Variants in NAV2 observed in about 807,000 individuals in gnomAD.
The protein encoded by NAV2 is helicase, APC down-regulated 1.
Under a neutral mutation model 223.2 loss-of-function variants are expected in NAV2, and 54 were observed. The ratio of observed to expected loss-of-function variants is 0.24; its 90% CI spans 0.19 to 0.30. The LOEUF (loss-of-function observed/expected upper bound fraction) is 0.30. Among genes scored for constraint, NAV2 ranks in the 10% least tolerant of loss-of-function variants. The pLI, the probability that NAV2 is intolerant of heterozygous loss-of-function variation, is 1.00. For synonymous variants in NAV2, 1,279 were observed against 1,239.3 expected, an observed-to-expected ratio of 1.03 and a Z score of -0.67; for missense variants, 2,806 against 3,147.5, an observed-to-expected ratio of 0.89 and a Z score of 2.60.
intron 1 of NAV2, among the ~76,000 whole-genome samples, chr11:19,487,490 A>G (rs1453738158): frequency 6.6e-6 from 1 of 152,202 alleles, no homozygotes; most frequent in Non-Finnish European, 1.5e-5. Context: ...ATGGTGACAG[A>G]GATGGGATGT....
intron 1 of NAV2, among the ~76,000 whole-genome samples, chr11:19,380,886 A>G (rs2133927046): frequency 6.6e-6 from 1 of 152,304 alleles, no homozygotes; most frequent in Admixed American, 6.5e-5. Context: ...TAAAACCAGG[A>G]AAATCTGGGC....
chr11:19,433,895 G>A (rs532119537), intron 1 of NAV2, among the ~76,000 whole-genome samples: 1 of 152,342 alleles, frequency 6.6e-6, no homozygotes, highest in South Asian at 2.1e-4. Context: ...ATGTATTAGA[G>A]TAAATAATGC....
intron 20 of NAV2, among the ~76,000 whole-genome samples, chr11:20,063,271 G>A (rs1340372343): frequency 1.3e-5 from 2 of 152,236 alleles, no homozygotes; most frequent in African/African-American, 4.8e-5. Context: ...TATCATCCAT[G>A]AGAGAGGTTT....
upstream of NAV2, among the ~76,000 whole-genome samples, chr11:19,347,890 TC>T (rs1050287367): frequency 1.3e-5 from 2 of 152,204 alleles, no homozygotes; most frequent in African/African-American, 4.8e-5. Context: ...TCTCTTGAAG[TC>T]CCCTCTGCCC....
chr11:19,438,901 T>TC, intron 1 of NAV2, among the ~76,000 whole-genome samples: 1 of 152,140 alleles, frequency 6.6e-6, no homozygotes, highest in South Asian at 2.1e-4. Flanking sequence ...AGAGATTTTT[T>TC]TTTTTGTAGA....
intron 1 of NAV2, among the ~76,000 whole-genome samples, chr11:19,498,590 A>G (rs1161020635): frequency 1.3e-5 from 2 of 152,240 alleles, no homozygotes. Flanking sequence ...AAACTCACAA[A>G]TCCATTTGTT....
chr11:19,934,849 T>A (rs1212250355), intron 7 of NAV2, among the ~76,000 whole-genome samples: 12 of 152,102 alleles, frequency 7.9e-5, no homozygotes, highest in Non-Finnish European at 1.5e-5. Context: ...CAAGAGCTCA[T>A]GTTCTGAGGA....
intron 1 of NAV2, among the ~76,000 whole-genome samples, chr11:19,468,161 T>C (rs1039597808): frequency 6.6e-6 from 1 of 152,230 alleles, no homozygotes; most frequent in Non-Finnish European, 1.5e-5. Context: ...ACTCCACTAC[T>C]CACTTGCTGC....
chr11:19,793,054 C>T (rs1245704836), intron 1 of NAV2, among the ~76,000 whole-genome samples: 2 of 151,486 alleles, frequency 1.3e-5, no homozygotes, highest in African/African-American at 4.9e-5. Flanking sequence ...ACTAAAAATA[C>T]AAAAATTAGC....
intron 1 of NAV2, among the ~76,000 whole-genome samples, chr11:19,776,129 G>C (rs1364392042): frequency 6.6e-6 from 1 of 152,194 alleles, no homozygotes; most frequent in East Asian, 1.9e-4. Context: ...CAGTGGGGGA[G>C]AGCCAGGATT....
intron 1 of NAV2, among the ~76,000 whole-genome samples, chr11:19,356,455 A>G (rs1325620292): frequency 1.3e-5 from 2 of 152,078 alleles, no homozygotes; most frequent in Non-Finnish European, 2.9e-5. Context: ...GAGCTTAGAT[A>G]TTGTCTCCTG....
intron 4 of NAV2, among the ~76,000 whole-genome samples, chr11:19,873,151 A>G (rs376654686): frequency 2.6e-5 from 4 of 152,218 alleles, no homozygotes; most frequent in African/African-American, 9.6e-5. Context: ...TATCTAGTTC[A>G]GCAAATGTTT....
intron 22 of NAV2, among the ~76,000 whole-genome samples, chr11:20,075,888 A>G (rs7125951): frequency 0.33 from 49,343 of 150,628 alleles, 9,011 homozygotes; most frequent in African/African-American, 0.49. Context: ...CTCCTCCCAT[A>G]TATCCTCTGC....
At position 20,103,699 on chromosome 11, in the gene NAV2, A is replaced by C. The variant is rs201845364; in HGVS notation, c.6619A>C (p.Asn2207His). The C allele has an allele frequency of 6.2e-7, 1 of 1,614,108 alleles. No individual in the cohort carries two copies. The highest frequency in any genetic ancestry group is 8.5e-7 in the Non-Finnish European group (1 of 1,180,012). Reference protein sequence around the residue: ...TMNQATSSTPNLQLHHNFRWV... With the variant: ...TMNQATSSTPHLQLHHNFRWV... ...GAACCAGGCTACCTCTTCGACTCCCAACCTGCAGCTTCACCATAACTTCAG... is the reference window on the plus strand; with the variant it reads ...GAACCAGGCTACCTCTTCGACTCCCCACCTGCAGCTTCACCATAACTTCAG... The change falls in exon 34 of 38, where the codon AAC (asparagine) becomes CAC (histidine). Residue 2207 changes from asparagine to histidine, a missense_variant. By Grantham distance (68) the Asn-to-His change is moderately conservative. Transcript: ENST00000349880.
intron 1 of NAV2, among the ~76,000 whole-genome samples, chr11:19,494,108 G>T (rs951779990): frequency 1.1e-4 from 17 of 152,220 alleles, no homozygotes; most frequent in African/African-American, 3.6e-4. Flanking sequence ...ACTGACCCAG[G>T]TGCTGTGGTG....
chr11:19,934,410 G>A (rs2045660498), intron 7 of NAV2, 133 bp downstream of exon 7: 1 of 1,062,274 alleles, frequency 9.4e-7, no homozygotes, highest in African/African-American at 1.6e-5. Context: ...GAAACCACGT[G>A]ATGAACTCCT....
intron 1 of NAV2, among the ~76,000 whole-genome samples, chr11:19,575,694 A>T (rs562370085): frequency 6.6e-6 from 1 of 152,256 alleles, no homozygotes; most frequent in South Asian, 2.1e-4. Context: ...ATTGGTCATC[A>T]TCTATATTGT....
At chr11:20,082,304 A>C (rs530691008) in intron 25 of NAV2, among the ~76,000 whole-genome samples, 1 of 152,326 alleles carries the variant, frequency 6.6e-6, no homozygotes, top group South Asian at 2.1e-4. Flanking sequence ...AATGAGAAGC[A>C]CAGGAAGGTG....
intron 1 of NAV2, among the ~76,000 whole-genome samples, chr11:19,380,328 C>T (rs954475363): frequency 6.6e-6 from 1 of 152,210 alleles, no homozygotes; most frequent in African/African-American, 2.4e-5. Flanking sequence ...TTAGATATTT[C>T]ATCCCTGTGG....
Sources: allele counts gnomAD v4.1 joint callset (sites outside exome capture counted in the v4.1 genomes callset), GRCh38; gene constraint gnomAD v4.1.1; transcripts MANE v1.5; gene names NCBI Gene and HGNC (gene_info 2026-07-23, HGNC 2026-07-21).